The following KALRN variants were observed in gnomAD, a reference collection of about 807,000 sequenced individuals.
KALRN encodes the protein kalirin RhoGEF kinase.
In KALRN, 70 loss-of-function variants were observed where a neutral mutation model predicts 353.7. That is an observed-to-expected ratio of 0.20 (90% confidence interval 0.16 to 0.24). KALRN has a LOEUF of 0.24. Ranked by LOEUF, KALRN falls within the 10% of genes least tolerant of loss-of-function variation. KALRN has a pLI of 1.00. For synonymous variants in KALRN, 1,391 were observed against 1,434.8 expected (o/e 0.97, Z 0.69); for missense variants, 2,791 against 3,756.7 (o/e 0.74, Z 6.72).
chr3:124,659,859 T>C (rs1424905323), intron 43 of KALRN, among the ~76,000 whole-genome samples: 1 of 148,696 alleles, frequency 6.7e-6, no homozygotes, highest in African/African-American at 2.4e-5. Context: ...TTTGATTTTA[T>C]ATATATATAA....
chr3:124,222,698 CTCAA>C (rs1369741073), intron 1 of KALRN, among the ~76,000 whole-genome samples: 2 of 152,138 alleles, frequency 1.3e-5, no homozygotes, highest in Non-Finnish European at 2.9e-5. Context: ...ACCTCCCTGG[CTCAA>C]TCAATCCTCC....
intron 1 of KALRN, among the ~76,000 whole-genome samples, chr3:124,211,158 C>G (rs186615684): frequency 6.0e-4 from 92 of 152,342 alleles, no homozygotes; most frequent in Middle Eastern, 6.8e-3. Context: ...TTCATTCACT[C>G]CATCACCTAG....
At chr3:124,088,172 C>A (rs2060922005) in intron 1 of KALRN, among the ~76,000 whole-genome samples, 1 of 151,956 alleles carries the variant, frequency 6.6e-6, no homozygotes, top group Non-Finnish European at 1.5e-5. Context: ...TTTCGGGATG[C>A]CAAATAATTG....
At chr3:124,303,858 A>C (rs1200300094) in intron 6 of KALRN, among the ~76,000 whole-genome samples, 1 of 152,128 alleles carries the variant, frequency 6.6e-6, no homozygotes, top group Non-Finnish European at 1.5e-5. Context: ...TTGCAGAAAA[A>C]AAACTACAGT....
intron 33 of KALRN, among the ~76,000 whole-genome samples, chr3:124,507,196 C>G (rs2108764014): frequency 6.6e-6 from 1 of 152,182 alleles, no homozygotes. Flanking sequence ...CTTATTTCAC[C>G]TCCCCACCCC....
intron 1 of KALRN, chr3:124,162,862 G>A (rs2070199908): frequency 6.6e-6 from 1 of 152,222 alleles, no homozygotes; most frequent in African/African-American, 2.4e-5. Flanking sequence ...TGTGTAGGAA[G>A]TGAAGTGTCT....
chr3:124,253,669 A>C (rs181413177), intron 3 of KALRN, among the ~76,000 whole-genome samples: 17 of 152,262 alleles, frequency 1.1e-4, no homozygotes, highest in Admixed American at 1.0e-3. Context: ...ACCCGTGTTC[A>C]GTTTGTCACC....
chr3:124,334,382 G>A lies in KALRN; in HGVS notation c.1534G>A (p.Val512Met), dbSNP rs369079208. 17 of 1,613,918 alleles carry A rather than the reference G, an allele frequency of 1.1e-5. No homozygotes were observed. Among genetic ancestry groups the A allele is most frequent in the African/African-American group, 1.3e-5 (1 of 74,950 alleles). ...CAAGGCAGTGCACCAGGTGCTGGAC[G>A]TGGTGCATGAGGTGTTACATCACCA... ...YSKAVHQVLD[V>M]VHEVLHHQRR... Residue 512 changes from valine to methionine, a missense_variant, in exon 9 of 60, where the codon GTG (valine) becomes ATG (methionine). Physicochemically the swap from Val to Met is conservative, Grantham distance 21. Around this residue, in one of 11 missense-constraint regions of KALRN, gnomAD observed 366 missense variants for 489.2 expected, o/e 0.75. Coordinates refer to ENST00000682506, the MANE Select transcript of KALRN (RefSeq NM_001388419.1). This position sits in a 1 kb window ranked among gnomAD's most constrained non-coding sequence, Gnocchi z 4.2.
rs665927 is a variant in KALRN, at chr3:124,661,946, C to T, written c.6345+18C>T. On this transcript the variant is annotated intron_variant, in intron 45 of 59. Coordinates refer to ENST00000682506, the MANE Select transcript of KALRN (RefSeq NM_001388419.1). ...GCTTTGAGGTGAGTCTTTAAGAATG[C>T]GTCTAAGCCCACTCTCTCCAGGACA... 340,895 of 1,596,324 alleles carry T rather than the reference C, an allele frequency of 0.21. 39,762 individuals are homozygous for T. Among genetic ancestry groups the T allele is most frequent in the African/African-American group, 0.47 (35,276 of 74,408 alleles).
intron 27 of KALRN, among the ~76,000 whole-genome samples, chr3:124,479,945 G>A (rs2108175146): frequency 1.3e-5 from 2 of 151,962 alleles, no homozygotes; most frequent in East Asian, 1.9e-4. Context: ...GGATGGTCTC[G>A]ATCTCCTGAC....
intron 4 of KALRN, 64 bp from the exon 5 acceptor site, chr3:124,268,679 C>G: frequency 2.0e-6 from 3 of 1,528,908 alleles, no homozygotes; most frequent in Non-Finnish European, 2.7e-6. Context: ...TTCCCTCATC[C>G]TATTTCTGCC....
intron 6 of KALRN, among the ~76,000 whole-genome samples, chr3:124,303,571 G>C (rs900964368): frequency 6.6e-6 from 1 of 152,132 alleles, no homozygotes; most frequent in East Asian, 1.9e-4. Context: ...CATGCGACTC[G>C]CAGGAGTACA....
chr3:124,182,010 G>T (rs2073664107), intron 1 of KALRN, among the ~76,000 whole-genome samples: 1 of 152,092 alleles, frequency 6.6e-6, no homozygotes, highest in South Asian at 2.1e-4. Flanking sequence ...CTATTCTTTT[G>T]CAGTAGGCAA....
chr3:124,629,819 TC>T (rs1378710504), intron 34 of KALRN, among the ~76,000 whole-genome samples: 1 of 151,628 alleles, frequency 6.6e-6, no homozygotes, highest in African/African-American at 2.4e-5. Flanking sequence ...TCTCTGTCTC[TC>T]TCTCTCTCTG....
At chr3:124,587,415 T>A (rs1217279168) in intron 34 of KALRN, among the ~76,000 whole-genome samples, 1 of 152,126 alleles carries the variant, frequency 6.6e-6, no homozygotes, top group African/African-American at 2.4e-5. Flanking sequence ...CCTTCTAAAG[T>A]CTGAGGAAAA....
chr3:124,410,018 T>C (rs1433870950), intron 13 of KALRN, among the ~76,000 whole-genome samples: 1 of 152,088 alleles, frequency 6.6e-6, no homozygotes, highest in Non-Finnish European at 1.5e-5. Flanking sequence ...CCTGGGTTCC[T>C]CAATTCAATG....
Position 124,384,873 on chromosome 3 carries a change from T to C in KALRN, c.1799T>C (p.Leu600Pro), listed in dbSNP as rs1295895983. Reference sequence around the variant, plus strand: ...ACGTACACCAATGCGGACAAGCTCCTAGAAGCAGCAGAGCAGTTGGCTCAG... The same window carrying C: ...ACGTACACCAATGCGGACAAGCTCCCAGAAGCAGCAGAGCAGTTGGCTCAG... ...QNTYTNADKL[L>P]EAAEQLAQTG... The change falls in exon 11 of 60, where the codon CTA becomes CCA. Residue 600 changes from leucine to proline, a missense_variant. Transcript: ENST00000682506. 6.2e-7 allele frequency: 1 copy of C among 1,609,988 alleles called. No homozygotes were observed.
At chr3:124,134,235 C>A (rs149131742) in intron 1 of KALRN, among the ~76,000 whole-genome samples, 3 of 152,266 alleles carry the variant, frequency 2.0e-5, no homozygotes, top group Admixed American at 1.3e-4. Flanking sequence ...CAAATACTTA[C>A]AACCAACTGA....
At position 124,648,285 on chromosome 3, in the gene KALRN, C is replaced by T. The variant is rs868009579; in HGVS notation, c.5665-2523C>T. ...TTCTTTCTTCCTCTTGTCCTTGTCTCTCACTGTTGCCATCCCAGAGAGTCC... is the reference window on the plus strand; with the variant it reads ...TTCTTTCTTCCTCTTGTCCTTGTCTTTCACTGTTGCCATCCCAGAGAGTCC... On this transcript the variant is annotated intron_variant, in intron 37 of 59. Coordinates refer to ENST00000682506, the MANE Select transcript of KALRN (RefSeq NM_001388419.1). Among the ~76,000 whole-genome samples, 111 of 152,370 alleles carry T rather than the reference C, an allele frequency of 7.3e-4. 1 individual carries two copies. Among genetic ancestry groups the T allele is most frequent in the Middle Eastern group, 3.4e-3 (1 of 294 alleles).
Sources: allele counts gnomAD v4.1 joint callset (sites outside exome capture counted in the v4.1 genomes callset), GRCh38; gene constraint gnomAD v4.1.1; regional missense constraint gnomAD v4.1.1; non-coding constraint Gnocchi (gnomAD v3.1); transcripts MANE v1.5; gene names NCBI Gene and HGNC (gene_info 2026-07-23, HGNC 2026-07-21).